Variants in MARCHF1 observed in about 807,000 individuals in gnomAD.
MARCHF1 encodes the protein membrane associated ring-CH-type finger 1.
MARCHF1 carries 40 observed loss-of-function variants against 54.2 expected under a neutral mutation model. The observed-to-expected ratio is 0.74, with a 90% CI of 0.57 to 0.96. The LOEUF is 0.96. Ranked by LOEUF, MARCHF1 falls within the 40% of genes least tolerant of loss-of-function variation. MARCHF1 has a pLI of 0.00. For synonymous variants in MARCHF1, 236 were observed against 236.3 expected (o/e 1.00, Z 0.01); for missense variants, 586 against 656.5 (o/e 0.89, Z 1.17).
intron 5 of MARCHF1, among the ~76,000 whole-genome samples, chr4:163,635,879 C>T (rs1489557610): frequency 1.3e-5 from 2 of 152,148 alleles, no homozygotes; most frequent in African/African-American, 2.4e-5. Flanking sequence ...AGCAGCACAT[C>T]AAAAAGCTTA....
intron 1 of MARCHF1, among the ~76,000 whole-genome samples, chr4:164,117,679 C>G (rs1221939930): frequency 1.3e-5 from 2 of 152,032 alleles, no homozygotes; most frequent in African/African-American, 2.4e-5. Flanking sequence ...GCAGGCAGAT[C>G]ACTTGAGGTC....
intron 4 of MARCHF1, among the ~76,000 whole-genome samples, chr4:163,840,629 C>G (rs1031895014): frequency 7.2e-5 from 11 of 151,944 alleles, no homozygotes; most frequent in Admixed American, 3.3e-4. Context: ...TGGTGGTTCC[C>G]AGGGGCTGGA....
chr4:163,804,742 C>G (rs1748178261), intron 4 of MARCHF1, among the ~76,000 whole-genome samples: 1 of 152,118 alleles, frequency 6.6e-6, no homozygotes, highest in Non-Finnish European at 1.5e-5. Flanking sequence ...ATGCAAATGC[C>G]TACTAGTGGG....
chr4:164,078,082 G>C (rs766402348), intron 2 of MARCHF1, among the ~76,000 whole-genome samples: 3 of 152,146 alleles, frequency 2.0e-5, no homozygotes, highest in Admixed American at 1.3e-4. Context: ...ACATGCACAC[G>C]TATGTTTATT....
intron 4 of MARCHF1, among the ~76,000 whole-genome samples, chr4:163,735,041 A>G (rs1000325871): frequency 2.0e-5 from 3 of 152,172 alleles, no homozygotes; most frequent in African/African-American, 7.2e-5. Flanking sequence ...GAACATAAGC[A>G]TGTTCCTGGT....
At chr4:164,272,430 C>T (rs372481255) in intron 1 of MARCHF1, among the ~76,000 whole-genome samples, 7 of 151,934 alleles carry the variant, frequency 4.6e-5, no homozygotes, top group East Asian at 1.9e-4. Flanking sequence ...AATATATAGC[C>T]GTTAAAATAA....
rs867876126 is a variant in MARCHF1 at position 164,346,632 on chromosome 4, A to G, written c.-323+37238T>C. ...TATATATATATATATATATATATAT[A>G]TATATATATATATATATATATATAT... On this transcript the variant is annotated intron_variant, in intron 1 of 9. Transcript: ENST00000514618. 8.3e-3 allele frequency among the ~76,000 whole-genome samples: 136 copies of G among 16,330 alleles called. 4 individuals carry two copies. Among genetic ancestry groups the G allele is most frequent in the Middle Eastern group, 0.026 (1 of 38 alleles). The allele number at this position is 16,330 out of a possible 152,430, so 10.7% of individuals were successfully genotyped here.
At chr4:164,358,298 G>A (rs190250377) in intron 1 of MARCHF1, among the ~76,000 whole-genome samples, 15 of 152,254 alleles carry the variant, frequency 9.9e-5, no homozygotes, top group Admixed American at 9.8e-4. Flanking sequence ...TAAAGGGGAA[G>A]CCTTGAACTT....
intron 1 of MARCHF1, among the ~76,000 whole-genome samples, chr4:164,148,370 T>A (rs184058851): frequency 1.4e-3 from 211 of 152,264 alleles, no homozygotes; most frequent in African/African-American, 4.9e-3. Context: ...TCATACCCCA[T>A]AGATCTTGGT....
chr4:164,381,425 C>A (rs1196109795), intron 1 of MARCHF1, among the ~76,000 whole-genome samples: 2 of 152,100 alleles, frequency 1.3e-5, no homozygotes, highest in Non-Finnish European at 2.9e-5. Context: ...TGTGAAGAAT[C>A]TATGTACTTT....
intron 5 of MARCHF1, among the ~76,000 whole-genome samples, chr4:163,633,458 T>C (rs1742185503): frequency 1.3e-5 from 2 of 152,056 alleles, no homozygotes; most frequent in South Asian, 4.2e-4. Context: ...TGCAGAAGCC[T>C]CAGGAGCCGA....
chr4:163,850,982 C>G (rs1282840272), intron 4 of MARCHF1, among the ~76,000 whole-genome samples: 1 of 152,116 alleles, frequency 6.6e-6, no homozygotes, highest in African/African-American at 2.4e-5. Flanking sequence ...CATTGAACAA[C>G]AAAGGTCCAG....
At chr4:164,316,571 C>G (rs1038960502) in intron 1 of MARCHF1, among the ~76,000 whole-genome samples, 14 of 152,012 alleles carry the variant, frequency 9.2e-5, no homozygotes, top group African/African-American at 3.1e-4. Context: ...AAATCCTATA[C>G]TTATCCACTG....
chr4:164,197,730 G>A (rs778501243), intron 1 of MARCHF1: 3 of 1,611,364 alleles, frequency 1.9e-6, no homozygotes, highest in South Asian at 2.2e-5. Flanking sequence ...CTCTCTGTCT[G>A]CAGAGGCTCT....
Position 163,612,895 on chromosome 4 carries a change from T to G in MARCHF1, c.386A>C (p.Glu129Ala), listed in dbSNP as rs186612215. The G allele has an allele frequency of 3.5e-3, 5,451 of 1,535,536 alleles. 14 individuals are homozygous for G. The highest frequency in any genetic ancestry group is 4.4e-3 in the Non-Finnish European group (5,051 of 1,146,538). The change falls in exon 7 of 10, where the codon GAG becomes GCG. Residue 129 changes from glutamate (E) to alanine (A), a missense_variant. This residue lies in a region of MARCHF1 where 387 missense variants were observed against 394.6 expected (regional missense o/e 0.98). Transcript: ENST00000514618. ...TCTTATTTGTTCTTCTGCAGCATGC[T>G]CATATCTCTCAGAGGCTTTTCTCCT... ...RRRRKASERY[E>A]HAAEEQIRGR...
At chr4:163,957,687 G>A (rs112052289) in intron 3 of MARCHF1, among the ~76,000 whole-genome samples, 3,337 of 151,870 alleles carry the variant, frequency 0.022, 115 homozygotes, top group African/African-American at 0.075. Flanking sequence ...TGTCAGTCAT[G>A]GAATTTCTCA....
At chr4:164,345,670 C>T (rs1044173204) in intron 1 of MARCHF1, among the ~76,000 whole-genome samples, 50 of 151,498 alleles carry the variant, frequency 3.3e-4, no homozygotes, top group Non-Finnish European at 4.4e-4. Flanking sequence ...TAACACATCA[C>T]GCAAATTTGA....
chr4:163,568,520 C>A (rs1022819260), intron 8 of MARCHF1, among the ~76,000 whole-genome samples: 1 of 152,060 alleles, frequency 6.6e-6, no homozygotes, highest in African/African-American at 2.4e-5. Flanking sequence ...GAAATAAATT[C>A]TTGAGCTTAG....
At chr4:164,065,816 C>G (rs926978790) in intron 2 of MARCHF1, among the ~76,000 whole-genome samples, 3 of 152,154 alleles carry the variant, frequency 2.0e-5, no homozygotes, top group Non-Finnish European at 2.9e-5. Flanking sequence ...GGCCAAAGAA[C>G]CTGGAGTCTG....
Sources: allele counts gnomAD v4.1 joint callset (sites outside exome capture counted in the v4.1 genomes callset), GRCh38; gene constraint gnomAD v4.1.1; regional missense constraint gnomAD v4.1.1; transcripts MANE v1.5; gene names NCBI Gene and HGNC (gene_info 2026-07-23, HGNC 2026-07-21).